TENM2: variants seen among roughly 807,000 people sequenced by gnomAD.
The protein encoded by TENM2 is teneurin transmembrane protein 2, also known as teneurin-2.
In TENM2, 52 loss-of-function variants were observed where a neutral mutation model predicts 245.2. The observed-to-expected ratio is 0.21, with a 90% CI of 0.17 to 0.27. The LOEUF is 0.27. Among genes scored for constraint, TENM2 ranks in the 10% least tolerant of loss-of-function variants. The pLI is 1.00. For missense variants in TENM2, 3,046 were observed against 3,666.8 expected (o/e 0.83, Z 4.37); for synonymous variants, 1,363 against 1,438.9 (o/e 0.95, Z 1.19).
chr5:167,219,508 A>G, the TENM2 span, among the ~76,000 whole-genome samples: 17 of 152,308 alleles, frequency 1.1e-4, no homozygotes, highest in Admixed American at 3.9e-4. Flanking sequence ...CCTTGTGACC[A>G]GCTCTTTACA....
At chr5:167,494,168 A>C (rs1390877941) in intron 2 of TENM2, among the ~76,000 whole-genome samples, 1 of 152,138 alleles carries the variant, frequency 6.6e-6, no homozygotes, top group Non-Finnish European at 1.5e-5. Flanking sequence ...GCAAGAGAGC[A>C]TTCTCATGTG....
the TENM2 span, among the ~76,000 whole-genome samples, chr5:167,211,353 A>G: frequency 6.6e-6 from 1 of 152,224 alleles, no homozygotes; most frequent in African/African-American, 2.4e-5. Flanking sequence ...TGAGGATAAG[A>G]TGCTACAGAA....
intron 2 of TENM2, among the ~76,000 whole-genome samples, chr5:167,411,948 A>G (rs1265441208): frequency 6.6e-6 from 1 of 152,146 alleles, no homozygotes; most frequent in African/African-American, 2.4e-5. Flanking sequence ...TGTTGGAAAA[A>G]TACTTACTAC....
the TENM2 span, among the ~76,000 whole-genome samples, chr5:167,191,829 C>T: frequency 8.6e-5 from 13 of 152,036 alleles, no homozygotes; most frequent in Middle Eastern, 6.8e-3. Flanking sequence ...CATAGTGAGA[C>T]TCAAAACTTG....
intron 19 of TENM2, among the ~76,000 whole-genome samples, chr5:168,206,445 G>C (rs1230772743): frequency 1.3e-5 from 2 of 152,230 alleles, no homozygotes; most frequent in Non-Finnish European, 2.9e-5. Flanking sequence ...GTGAGCATGA[G>C]AGGTGGCACC....
At chr5:167,996,781 C>A (rs193238343) in intron 5 of TENM2, among the ~76,000 whole-genome samples, 26 of 152,172 alleles carry the variant, frequency 1.7e-4, no homozygotes, top group African/African-American at 6.3e-4. Flanking sequence ...TCCAGGTGCC[C>A]AGGCTGGAGT....
At chr5:167,293,481 A>G (rs1408972115) in intron 1 of TENM2, among the ~76,000 whole-genome samples, 1 of 151,398 alleles carries the variant, frequency 6.6e-6, no homozygotes, top group Non-Finnish European at 1.5e-5. Context: ...CGGGCTTCCA[A>G]AGTGCTGGGA....
chr5:167,712,310 T>C (rs1012843492), intron 2 of TENM2, among the ~76,000 whole-genome samples: 3 of 152,334 alleles, frequency 2.0e-5, no homozygotes, highest in Non-Finnish European at 4.4e-5. Flanking sequence ...TTGTAAGATA[T>C]TTTTTAAATA....
At chr5:167,765,728 G>GT (rs943587453) in intron 2 of TENM2, among the ~76,000 whole-genome samples, 1 of 152,134 alleles carries the variant, frequency 6.6e-6, no homozygotes, top group Non-Finnish European at 1.5e-5. Context: ...GAGATGTGTG[G>GT]TTTTTTCAGG....
At chr5:167,508,112 T>G (rs1006741215) in intron 2 of TENM2, among the ~76,000 whole-genome samples, 1 of 152,130 alleles carries the variant, frequency 6.6e-6, no homozygotes, top group African/African-American at 2.4e-5. Flanking sequence ...ACCCAGCCAG[T>G]TTGTTACACG....
chr5:167,221,430 C>T, the TENM2 span, among the ~76,000 whole-genome samples: 32 of 152,182 alleles, frequency 2.1e-4, no homozygotes, highest in African/African-American at 7.2e-4. Flanking sequence ...ATACAATACT[C>T]ATGTGCAAAA....
intron 12 of TENM2, among the ~76,000 whole-genome samples, chr5:168,148,189 A>G (rs889948870): frequency 1.3e-5 from 2 of 152,218 alleles, no homozygotes; most frequent in Non-Finnish European, 2.9e-5. Flanking sequence ...AATGTGACTT[A>G]GCAGAAACAG....
intron 2 of TENM2, among the ~76,000 whole-genome samples, chr5:167,863,886 A>T (rs1303287712): frequency 6.6e-6 from 1 of 152,174 alleles, no homozygotes; most frequent in Non-Finnish European, 1.5e-5. Context: ...TTGTTCAGGG[A>T]GGGTATAAAT....
chr5:167,357,696 A>G (rs1759435399), intron 1 of TENM2, among the ~76,000 whole-genome samples: 1 of 152,194 alleles, frequency 6.6e-6, no homozygotes, highest in African/African-American at 2.4e-5. Context: ...CTTGAGTGCT[A>G]TGTGTGTACG....
chr5:168,078,697 C>T (rs1791702083), intron 7 of TENM2, among the ~76,000 whole-genome samples: 1 of 152,136 alleles, frequency 6.6e-6, no homozygotes, highest in East Asian at 1.9e-4. Flanking sequence ...ATCCTTTCCC[C>T]ATTTCTTGTT....
At chr5:167,411,573 AGTGTGT>A (rs60856762) in intron 2 of TENM2, among the ~76,000 whole-genome samples, 75 of 145,144 alleles carry the variant, frequency 5.2e-4, no homozygotes, top group African/African-American at 1.4e-3. Flanking sequence ...TGTAGGTGAG[AGTGTGT>A]GTGTGTGTGT....
Position 168,051,190 on chromosome 5 carries a change from A to G in TENM2, c.1309+3641A>G, listed in dbSNP as rs975615124. ...CACAGATTTTAAGAAAGAATAAACT[A>G]TCAAGTATAGAATTGCATGGATCAT... On this transcript the variant is annotated intron_variant, in intron 6 of 28. Coordinates refer to ENST00000518659, the Ensembl canonical transcript of TENM2. Among the ~76,000 whole-genome samples, 6 of 152,352 alleles carry G rather than the reference A, an allele frequency of 3.9e-5. No individual in the cohort carries two copies. The East Asian group carries it at 5.8e-4, about 15-fold the overall frequency.
chr5:167,207,053 A>G, the TENM2 span, among the ~76,000 whole-genome samples: 1 of 152,128 alleles, frequency 6.6e-6, no homozygotes, highest in Non-Finnish European at 1.5e-5. Flanking sequence ...AAAAAACCCA[A>G]GGAAATGGTT....
intron 2 of TENM2, among the ~76,000 whole-genome samples, chr5:167,700,671 G>T (rs1758077712): frequency 6.6e-6 from 1 of 152,030 alleles, no homozygotes; most frequent in African/African-American, 2.4e-5. Context: ...AATTTAATCA[G>T]CATGGCCATG....
Sources: gnomAD v4.1 joint callset for allele counts (sites outside exome capture counted in the v4.1 genomes callset) on GRCh38, gnomAD v4.1.1 for gene constraint, MANE v1.5 for transcripts, NCBI Gene and HGNC (gene_info 2026-07-23, HGNC 2026-07-21) for gene names.